GALNTL6: variants seen among roughly 807,000 people sequenced by gnomAD.
GALNTL6 encodes the protein polypeptide N-acetylgalactosaminyltransferase like 6.
GALNTL6 carries 46 observed loss-of-function variants against 73.7 expected under a neutral mutation model. The observed-to-expected ratio is 0.62, with a 90% confidence interval of 0.49 to 0.80. GALNTL6 has a LOEUF of 0.80. Ranked by LOEUF, GALNTL6 falls within the 30% of genes least tolerant of loss-of-function variation. The probability of loss-of-function intolerance (pLI) is 0.00; values close to 1 mark genes in which losing one functional copy is unlikely to be tolerated. For missense variants in GALNTL6, 604 were observed against 755.0 expected (o/e 0.80, Z 2.34); for synonymous variants, 259 against 263.7 (o/e 0.98, Z 0.17).
intron 5 of GALNTL6, among the ~76,000 whole-genome samples, chr4:172,623,788 G>A (rs1739054139): frequency 6.6e-6 from 1 of 152,088 alleles, no homozygotes; most frequent in Admixed American, 6.6e-5. Flanking sequence ...TGTGAACTAG[G>A]TTTTGGTCTG....
At chr4:172,279,726 A>T (rs1356419307) in intron 3 of GALNTL6, among the ~76,000 whole-genome samples, 3 of 152,206 alleles carry the variant, frequency 2.0e-5, no homozygotes, top group Non-Finnish European at 4.4e-5. Context: ...CCACTTCTGA[A>T]TATAAACAAG....
At chr4:172,740,139 C>T (rs1212325698) in intron 5 of GALNTL6, among the ~76,000 whole-genome samples, 1 of 152,002 alleles carries the variant, frequency 6.6e-6, no homozygotes, top group East Asian at 1.9e-4. Context: ...GGCCTTTGTA[C>T]TTGTTCTATT....
chr4:172,586,130 A>G (rs1182466283), intron 5 of GALNTL6, among the ~76,000 whole-genome samples: 1 of 152,228 alleles, frequency 6.6e-6, no homozygotes, highest in Admixed American at 6.5e-5. Context: ...AACCAGAAAT[A>G]CTATTTGACC....
chr4:172,750,828 C>A (rs1737380645), intron 5 of GALNTL6, among the ~76,000 whole-genome samples: 1 of 152,028 alleles, frequency 6.6e-6, no homozygotes, highest in Admixed American at 6.6e-5. Flanking sequence ...AAAATTCCTT[C>A]TTTTTTCATT....
intron 5 of GALNTL6, among the ~76,000 whole-genome samples, chr4:172,574,018 T>G (rs1158066808): frequency 6.6e-6 from 1 of 152,152 alleles, no homozygotes; most frequent in Non-Finnish European, 1.5e-5. Flanking sequence ...ATAGTCACTG[T>G]GCAGAATTTT....
chr4:172,049,232 AT>A (rs931070520), intron 2 of GALNTL6, among the ~76,000 whole-genome samples: 8 of 146,278 alleles, frequency 5.5e-5, no homozygotes, highest in African/African-American at 7.8e-5. Context: ...TGAAATAAAA[AT>A]TTTTTTTTAT....
chr4:172,518,068 T>C (rs1323265937), intron 5 of GALNTL6, among the ~76,000 whole-genome samples: 1 of 151,964 alleles, frequency 6.6e-6, no homozygotes. Flanking sequence ...CACAAAGGCT[T>C]TTAAGACTAT....
chr4:172,498,374 T>C (rs184511278), intron 5 of GALNTL6, among the ~76,000 whole-genome samples: 1 of 152,300 alleles, frequency 6.6e-6, no homozygotes, highest in Admixed American at 6.5e-5. Context: ...CCTCCAAATA[T>C]ATTTACAAAG....
intron 5 of GALNTL6, among the ~76,000 whole-genome samples, chr4:172,722,526 C>A (rs913680410): frequency 6.6e-6 from 1 of 152,044 alleles, no homozygotes; most frequent in Non-Finnish European, 1.5e-5. Context: ...TTCTCTACCT[C>A]CCTCTCTCTT....
At chr4:172,023,059 C>T (rs189268919) in intron 2 of GALNTL6, among the ~76,000 whole-genome samples, 2 of 152,066 alleles carry the variant, frequency 1.3e-5, no homozygotes. Context: ...TTCAATACTC[C>T]TTTCCTCCCA....
intron 10 of GALNTL6, among the ~76,000 whole-genome samples, chr4:172,960,513 G>A (rs1156266196): frequency 6.6e-6 from 1 of 152,120 alleles, no homozygotes; most frequent in African/African-American, 2.4e-5. Flanking sequence ...AGAAAAGGAA[G>A]ATTAGAAAGA....
At chr4:172,893,024 C>G (rs1746121499) in intron 8 of GALNTL6, among the ~76,000 whole-genome samples, 1 of 152,176 alleles carries the variant, frequency 6.6e-6, no homozygotes, top group South Asian at 2.1e-4. Context: ...TAATACCATA[C>G]ATGTGGCACC....
At chr4:173,024,790 G>A (rs1269911852) in intron 12 of GALNTL6, among the ~76,000 whole-genome samples, 2 of 152,148 alleles carry the variant, frequency 1.3e-5, no homozygotes, top group African/African-American at 2.4e-5. Flanking sequence ...TGTTGACCAC[G>A]CTGGTCTCGA....
chr4:173,009,166 T>C lies in GALNTL6; in HGVS notation c.1372-12T>C. On this transcript the variant is annotated splice_polypyrimidine_tract_variant and intron_variant, in intron 10 of 12. Transcript: ENST00000506823. ...ATAGCCCCACACTCAAAATTCTTTC[T>C]TCTTTCCACAGATCCGAAATGTGGC... is the stretch of plus-strand genomic sequence containing the variant. 6.3e-7 allele frequency: 1 copy of C among 1,599,032 alleles called. No homozygotes were observed. The highest frequency in any genetic ancestry group is 1.7e-4 in the Middle Eastern group (1 of 6,018).
At chr4:172,429,340 T>A (rs530369053) in intron 5 of GALNTL6, among the ~76,000 whole-genome samples, 2 of 151,900 alleles carry the variant, frequency 1.3e-5, no homozygotes, top group African/African-American at 4.8e-5. Flanking sequence ...GCCTCCAGAG[T>A]AGCTGGGACT....
At chr4:172,479,866 T>G (rs1343555511) in intron 5 of GALNTL6, among the ~76,000 whole-genome samples, 1 of 152,214 alleles carries the variant, frequency 6.6e-6, no homozygotes, top group Non-Finnish European at 1.5e-5. Flanking sequence ...GCTATCAAGC[T>G]CCATAGAGTT....
At chr4:172,586,805 A>G (rs1480178496) in intron 5 of GALNTL6, among the ~76,000 whole-genome samples, 1 of 152,212 alleles carries the variant, frequency 6.6e-6, no homozygotes, top group African/African-American at 2.4e-5. Context: ...CTTGAACGTG[A>G]AAGCTAATTT....
At chr4:172,727,001 C>A (rs1200581040) in intron 5 of GALNTL6, among the ~76,000 whole-genome samples, 3 of 152,096 alleles carry the variant, frequency 2.0e-5, no homozygotes, top group Non-Finnish European at 2.9e-5. Context: ...GAAAGACATC[C>A]CACTGGCATT....
At chr4:172,766,490 G>A (rs939244628) in intron 5 of GALNTL6, among the ~76,000 whole-genome samples, 1 of 152,028 alleles carries the variant, frequency 6.6e-6, no homozygotes, top group Admixed American at 6.5e-5. Flanking sequence ...AACATAATGA[G>A]GGAAGAAGAA....
Sources: allele counts gnomAD v4.1 joint callset (sites outside exome capture counted in the v4.1 genomes callset), GRCh38; gene constraint gnomAD v4.1.1; transcripts MANE v1.5; gene names NCBI Gene and HGNC (gene_info 2026-07-23, HGNC 2026-07-21).